IL6ST: variants seen among roughly 807,000 people sequenced by gnomAD.
The protein encoded by IL6ST is interleukin 6 cytokine family signal transducer.
A neutral mutation model predicts 91.3 loss-of-function variants in IL6ST; 24 were observed. The observed-to-expected ratio is 0.26, with a 90% CI of 0.19 to 0.37. IL6ST has a LOEUF of 0.37. Ranked by LOEUF, IL6ST falls within the 10% of genes least tolerant of loss-of-function variation. The probability of loss-of-function intolerance (pLI) is 1.00; values close to 1 mark genes in which losing one functional copy is unlikely to be tolerated. For missense variants in IL6ST, 914 were observed against 1,078.5 expected (o/e 0.85, Z 2.14); for synonymous variants, 351 against 373.6 (o/e 0.94, Z 0.70).
chr5:55,981,115 G>GT (rs1320143663), intron 2 of IL6ST, among the ~76,000 whole-genome samples: 1 of 152,204 alleles, frequency 6.6e-6, no homozygotes, highest in Non-Finnish European at 1.5e-5. Context: ...AATTAGATTT[G>GT]TTTGAGTAGT....
At chr5:55,943,094 T>C (rs935703158) in intron 15 of IL6ST, among the ~76,000 whole-genome samples, 1 of 152,094 alleles carries the variant, frequency 6.6e-6, no homozygotes, top group African/African-American at 2.4e-5. Flanking sequence ...AGAATCCAGA[T>C]AACAAATTAA....
At chr5:55,974,472 A>C (rs555178063) in intron 3 of IL6ST, among the ~76,000 whole-genome samples, 62 of 151,202 alleles carry the variant, frequency 4.1e-4, no homozygotes, top group African/African-American at 1.4e-3. Flanking sequence ...ACTTTCAGGC[A>C]TGTGCTACCA....
At chr5:55,980,812 ATT>A (rs1337399047) in intron 2 of IL6ST, among the ~76,000 whole-genome samples, 3 of 152,320 alleles carry the variant, frequency 2.0e-5, no homozygotes, top group Admixed American at 1.3e-4. Context: ...GGAACACAAT[ATT>A]GTTTTATTAA....
intron 1 of IL6ST, among the ~76,000 whole-genome samples, chr5:55,993,866 T>G (rs1298059683): frequency 6.6e-6 from 1 of 151,948 alleles, no homozygotes; most frequent in Non-Finnish European, 1.5e-5. Flanking sequence ...AAATTAAGAG[T>G]TGTTCCAACT....
In IL6ST at chr5:55,960,423, T is replaced by G. The variant is rs753380814; in HGVS notation, c.952A>C (p.Ser318Arg). 1 of 1,613,794 alleles carries G rather than the reference T, an allele frequency of 6.2e-7. No homozygotes were observed. The highest frequency in any genetic ancestry group is 2.2e-5 in the East Asian group (1 of 44,868). ...TTACTATCTTCATAGGTGATCCCAC[T>G]TGCTTCTTCACTCCAGTCACTCCAG... is the stretch of plus-strand genomic sequence containing the variant. ...GYWSDWSEEA[S>R]GITYEDRPSK... Residue 318 changes from serine to arginine, a missense_variant, in exon 8 of 17, where the codon AGT becomes CGT. Transcript: ENST00000381298.
intron 1 of IL6ST, among the ~76,000 whole-genome samples, chr5:55,992,550 C>T (rs1754393823): frequency 6.6e-6 from 1 of 152,224 alleles, no homozygotes; most frequent in Non-Finnish European, 1.5e-5. Flanking sequence ...GTGCTCAAAA[C>T]AGCAACTGGC....
At chr5:55,965,222 A>G (rs958648036) in intron 5 of IL6ST, among the ~76,000 whole-genome samples, 2 of 152,324 alleles carry the variant, frequency 1.3e-5, no homozygotes, top group African/African-American at 4.8e-5. Context: ...CATTCTTGGT[A>G]ATCATTTTGT....
intron 1 of IL6ST, among the ~76,000 whole-genome samples, chr5:55,984,625 T>C (rs990338050): frequency 3.3e-5 from 5 of 152,160 alleles, no homozygotes; most frequent in African/African-American, 1.2e-4. Flanking sequence ...GAGAATAAAT[T>C]TGTTGTTTTG....
chr5:55,993,318 T>G (rs6863337), intron 1 of IL6ST, among the ~76,000 whole-genome samples: 36,428 of 151,922 alleles, frequency 0.24, 6,814 homozygotes, highest in African/African-American at 0.52. Context: ...ACAGATCTAG[T>G]TTTCAGCGAG....
chr5:55,979,341 AGTT>A (rs1753509141), intron 2 of IL6ST, among the ~76,000 whole-genome samples: 1 of 152,194 alleles, frequency 6.6e-6, no homozygotes, highest in African/African-American at 2.4e-5. Context: ...AGGTCAGAGC[AGTT>A]GTTTTTTGTG....
chr5:55,976,487 T>C lies in IL6ST; in HGVS notation c.-15-194A>G, dbSNP rs542767579. The stretch of plus-strand genomic sequence containing the variant: ...AAGTTATGGCTATGGAAAACACTGC[T>C]AGAAAACATAATTTATACTTTAAGG... On this transcript the variant is annotated intron_variant, in intron 2 of 16. Coordinates refer to ENST00000381298, the MANE Select transcript of IL6ST (RefSeq NM_002184.4). Among the ~76,000 whole-genome samples the C allele has an allele frequency of 3.7e-4, 56 of 152,324 alleles. No homozygotes were observed. In the South Asian group the frequency reaches 0.011, roughly 30 times the overall value.
At chr5:55,952,732 G>A (rs1472542075) in intron 11 of IL6ST, among the ~76,000 whole-genome samples, 1 of 152,054 alleles carries the variant, frequency 6.6e-6, no homozygotes, top group Non-Finnish European at 1.5e-5. Flanking sequence ...AAGCACTAAC[G>A]GTCCTAGTTT....
At chr5:55,967,190 A>T (rs1042408113) in intron 5 of IL6ST, among the ~76,000 whole-genome samples, 3 of 151,556 alleles carry the variant, frequency 2.0e-5, no homozygotes, top group African/African-American at 7.3e-5. Flanking sequence ...CATGCCTGTA[A>T]TCCCAGCTAC....
Position 55,935,568 on chromosome 5 carries a change from G to T in IL6ST, c.*5514C>A, listed in dbSNP as rs1056881017. On this transcript the variant is annotated 3_prime_UTR_variant, in exon 17 of 17. Coordinates refer to ENST00000381298, the MANE Select transcript of IL6ST (RefSeq NM_002184.4). Reference sequence around the variant, plus strand: ...GATCAGCAGCAACAGGACTCAAGCTGTTCACCCTGCTTTCGAGTTGGCTGA... The same window carrying T: ...GATCAGCAGCAACAGGACTCAAGCTTTTCACCCTGCTTTCGAGTTGGCTGA... 69 of 218,898 alleles carry T rather than the reference G, an allele frequency of 3.2e-4. No individual in the cohort carries two copies. Among genetic ancestry groups the T allele is most frequent in the African/African-American group, 1.4e-3 (61 of 44,622 alleles). The allele number at this position is 218,898 out of a possible 1,614,324, so 13.6% of individuals were successfully genotyped here.
rs764703306 is a variant in IL6ST, at chr5:55,952,055, C to T, written c.1573G>A (p.Val525Ile). The change falls in exon 13 of 17, where the codon GTT becomes ATT. Residue 525 changes from valine to isoleucine, a missense_variant. Transcript: ENST00000381298. ...TTTTTCCCTACTTTTTTTGTCCGAA[C>T]AGTAGGTCCTTTGGAAGGTGCTGTA... is the stretch of plus-strand genomic sequence containing the variant. ...KQAPPSKGPT[V>I]RTKKVGKNEA... 7 of 1,613,240 alleles carry T rather than the reference C, an allele frequency of 4.3e-6. No homozygotes were observed. Among genetic ancestry groups the T allele is most frequent in the African/African-American group, 2.7e-5 (2 of 74,882 alleles).
At chr5:55,965,543 A>C (rs955718396) in intron 5 of IL6ST, among the ~76,000 whole-genome samples, 2 of 152,194 alleles carry the variant, frequency 1.3e-5, no homozygotes, top group Non-Finnish European at 2.9e-5. Flanking sequence ...TTCCTGTAGC[A>C]CCCAGATTGT....
At chr5:55,948,561 T>C (rs1045475307) in intron 14 of IL6ST, among the ~76,000 whole-genome samples, 3 of 151,998 alleles carry the variant, frequency 2.0e-5, no homozygotes, top group Non-Finnish European at 2.9e-5. Context: ...TATGGGTGTA[T>C]GTATATATAT....
intron 16 of IL6ST, among the ~76,000 whole-genome samples, chr5:55,942,372 T>TC (rs1750974364): frequency 6.6e-6 from 1 of 152,196 alleles, no homozygotes; most frequent in East Asian, 1.9e-4. Context: ...TTTCAGCACC[T>TC]CAAGTTTTCA....
chr5:55,949,225 C>T (rs994541979), intron 14 of IL6ST, among the ~76,000 whole-genome samples: 10 of 152,036 alleles, frequency 6.6e-5, no homozygotes, highest in East Asian at 3.8e-4. Context: ...ACCTGTAATC[C>T]GGCACTCTGG....
Sources: allele counts gnomAD v4.1 joint callset (sites outside exome capture counted in the v4.1 genomes callset), GRCh38; gene constraint gnomAD v4.1.1; transcripts MANE v1.5; gene names NCBI Gene and HGNC (gene_info 2026-07-23, HGNC 2026-07-21).